NLRP13: variants seen among roughly 807,000 people sequenced by gnomAD.
The protein encoded by NLRP13 is NLR family pyrin domain containing 13, also known as NACHT, LRR and PYD domains-containing protein 13.
Under a neutral mutation model 94.4 loss-of-function variants are expected in NLRP13, and 82 were observed. The ratio of observed to expected loss-of-function variants is 0.87; its 90% confidence interval spans 0.73 to 1.04. NLRP13 has a LOEUF of 1.04. Among genes scored for constraint, NLRP13 ranks in the 50% least tolerant of loss-of-function variants. The pLI is 0.00. For synonymous variants in NLRP13, 553 were observed against 464.7 expected (o/e 1.19, Z -2.45); for missense variants, 1,426 against 1,230.8 (o/e 1.16, Z -2.37).
At position 55,896,165 on chromosome 19, in the gene NLRP13, T is replaced by C. The variant is rs1555813081; in HGVS notation, c.2958-46A>G. On this transcript the variant is annotated intron_variant, in intron 10 of 10. Coordinates refer to ENST00000342929, the MANE Select transcript of NLRP13 (RefSeq NM_176810.2). ...AGCACAACAGATAGTCCTCTGAGACTGGGAAGTTAGAAAAGAGATACCACA... is the reference window on the plus strand; with the variant it reads ...AGCACAACAGATAGTCCTCTGAGACCGGGAAGTTAGAAAAGAGATACCACA... 7.5e-6 allele frequency: 12 copies of C among 1,593,312 alleles called. No homozygotes were observed. The South Asian group carries it at 1.2e-4, about 16-fold the overall frequency.
rs761364584 is a variant in NLRP13, at chr19:55,912,857, C to T, written c.960G>A (p.Glu320=). ...CATCATCCAAGCTCTCAGAGCGTGA[C>T]TCAGATATGATTATTTCCTCAAAGC... ...IDGFEEIIIS[E]SRSESLDDGS... is the part of the protein sequence containing the mutation. Residue 320 remains glutamate (E), a synonymous_variant, in exon 5 of 11, where the codon GAG becomes GAA. Coordinates refer to ENST00000342929, the MANE Select transcript of NLRP13 (RefSeq NM_176810.2). The T allele has an allele frequency of 1.2e-6, 2 of 1,614,048 alleles. No homozygotes were observed. The highest frequency in any genetic ancestry group is 1.7e-6 in the Non-Finnish European group (2 of 1,180,044).
At chr19:55,901,339 A>G (rs769560738) in intron 9 of NLRP13, among the ~76,000 whole-genome samples, 1 of 152,192 alleles carries the variant, frequency 6.6e-6, no homozygotes, top group Non-Finnish European at 1.5e-5. Flanking sequence ...GGACCACACA[A>G]TCTCAACTAG....
At chr19:55,906,353 A>AAAAAAAAAAAAAC (rs1398148572) in intron 7 of NLRP13, among the ~76,000 whole-genome samples, 1 of 150,898 alleles carries the variant, frequency 6.6e-6, no homozygotes, top group Non-Finnish European at 1.5e-5. Flanking sequence ...AAAAAAAAAA[A>AAAAAAAAAAAAAC]AGACAGATGA....
chr19:55,924,316 T>C lies in NLRP13; in HGVS notation c.457+274A>G, dbSNP rs535973772. ...TTTTGTATTTTTAGTAGAGATGGAGTTTCATCATGTTGGCAAGGCTGGTCT... is the reference window on the plus strand; with the variant it reads ...TTTTGTATTTTTAGTAGAGATGGAGCTTCATCATGTTGGCAAGGCTGGTCT... On this transcript the variant is annotated intron_variant, in intron 3 of 10. Coordinates refer to ENST00000342929, the MANE Select transcript of NLRP13 (RefSeq NM_176810.2). 5.3e-5 allele frequency among the ~76,000 whole-genome samples: 8 copies of C among 151,886 alleles called. No individual in the cohort carries two copies. The South Asian group carries it at 1.7e-3, about 32-fold the overall frequency.
intron 5 of NLRP13, among the ~76,000 whole-genome samples, chr19:55,911,017 C>T (rs1986494340): frequency 6.6e-6 from 1 of 152,058 alleles, no homozygotes; most frequent in African/African-American, 2.4e-5. Context: ...GAGGCTGAGG[C>T]AGGAGAATAG....
At chr19:55,906,519 G>T (rs1986356418) in intron 7 of NLRP13, among the ~76,000 whole-genome samples, 1 of 152,048 alleles carries the variant, frequency 6.6e-6, no homozygotes, top group Non-Finnish European at 1.5e-5. Flanking sequence ...CTTTGAGAAG[G>T]CCGCAAGACT....
At chr19:55,915,431 C>A (rs1192139172) in intron 4 of NLRP13, among the ~76,000 whole-genome samples, 5 of 152,134 alleles carry the variant, frequency 3.3e-5, no homozygotes, top group African/African-American at 1.2e-4. Flanking sequence ...AACCCCATCT[C>A]TACTAAAAAT....
downstream of NLRP13, among the ~76,000 whole-genome samples, chr19:55,895,195 T>A (rs1985970642): frequency 1.9e-5 from 1 of 53,908 alleles, no homozygotes; most frequent in African/African-American, 1.2e-4. Context: ...ACTAAAAGTA[T>A]GTTAAAAAAA....
intron 4 of NLRP13, among the ~76,000 whole-genome samples, chr19:55,914,966 T>G (rs1279236009): frequency 1.3e-5 from 2 of 152,146 alleles, no homozygotes; most frequent in Non-Finnish European, 2.9e-5. Flanking sequence ...TGCCAGATGA[T>G]TTCACTTATA....
At chr19:55,902,963 AATAT>A (rs1184669518) in intron 8 of NLRP13, among the ~76,000 whole-genome samples, 1 of 149,838 alleles carries the variant, frequency 6.7e-6, no homozygotes, top group Admixed American at 6.7e-5. Flanking sequence ...TAATTGTTAT[AATAT>A]ATAAATAACT....
At chr19:55,928,066 T>G (rs532577590) in intron 1 of NLRP13, among the ~76,000 whole-genome samples, 1 of 152,260 alleles carries the variant, frequency 6.6e-6, no homozygotes, top group South Asian at 2.1e-4. Flanking sequence ...CTGCTGAGCT[T>G]TTATCGTCCC....
At chr19:55,903,811 T>TA (rs1568689332) in intron 8 of NLRP13, among the ~76,000 whole-genome samples, 1 of 152,106 alleles carries the variant, frequency 6.6e-6, no homozygotes, top group Non-Finnish European at 1.5e-5. Context: ...AACCTCCCCA[T>TA]GGGCCACTCC....
At chr19:55,893,920 CTTTA>C (rs1985927359), downstream of NLRP13, among the ~76,000 whole-genome samples, 1 of 151,932 alleles carries the variant, frequency 6.6e-6, no homozygotes, top group Non-Finnish European at 1.5e-5. Context: ...AACATCAAAT[CTTTA>C]AAAGGTGCAG....
At chr19:55,908,188 C>G (rs1986408810) in intron 6 of NLRP13, among the ~76,000 whole-genome samples, 1 of 151,992 alleles carries the variant, frequency 6.6e-6, no homozygotes, top group Non-Finnish European at 1.5e-5. Flanking sequence ...GTCAGGGATC[C>G]CTCCTTCCCT....
At chr19:55,892,430 C>G (rs531216925), downstream of NLRP13, among the ~76,000 whole-genome samples, 2 of 151,758 alleles carry the variant, frequency 1.3e-5, no homozygotes, top group Admixed American at 6.6e-5. Flanking sequence ...TACACATATA[C>G]GTATTGTTTG....
intron 4 of NLRP13, among the ~76,000 whole-genome samples, chr19:55,918,463 C>T (rs1568443466): frequency 6.6e-6 from 1 of 151,628 alleles, no homozygotes; most frequent in Non-Finnish European, 1.5e-5. Flanking sequence ...AAAAAATAAA[C>T]AAGATTGATA....
intron 10 of NLRP13, among the ~76,000 whole-genome samples, chr19:55,897,163 A>G (rs574571030): frequency 3.3e-5 from 5 of 152,304 alleles, no homozygotes; most frequent in African/African-American, 1.2e-4. Flanking sequence ...CAAAGACAAA[A>G]GTGAGAAAAT....
chr19:55,931,928 G>A, intron 1 of NLRP13, 65 bp downstream of exon 1: 1 of 1,471,472 alleles, frequency 6.8e-7, no homozygotes, highest in Non-Finnish European at 9.3e-7. Context: ...CAAAAACCCA[G>A]CGGCTACCTC....
At position 55,912,761 on chromosome 19, in the gene NLRP13, T is replaced by C; in HGVS notation, c.1056A>G (p.Glu352=). ...TCAGTAAGGTAGCCAGGGGAACCAATTCTTTCTTCAACAAGCTGTGTAGGA... is the reference window on the plus strand; with the variant it reads ...TCAGTAAGGTAGCCAGGGGAACCAACTCTTTCTTCAACAAGCTGTGTAGGA... ...TKILHSLLKK[E]LVPLATLLIT... The change falls in exon 5 of 11, where the codon GAA becomes GAG. Residue 352 remains glutamate, a synonymous_variant. Transcript: ENST00000342929. 6.2e-7 allele frequency: 1 copy of C among 1,614,172 alleles called. No homozygotes were observed. Among genetic ancestry groups the C allele is most frequent in the Non-Finnish European group, 8.5e-7 (1 of 1,180,038 alleles).
Sources: allele counts gnomAD v4.1 joint callset (sites outside exome capture counted in the v4.1 genomes callset), GRCh38; gene constraint gnomAD v4.1.1; transcripts MANE v1.5; gene names NCBI Gene and HGNC (gene_info 2026-07-23, HGNC 2026-07-21).